The following OLA1 variants were observed in gnomAD, a reference collection of about 807,000 sequenced individuals.
OLA1 encodes the protein Obg like ATPase 1, also known as obg-like ATPase 1.
In OLA1, 14 loss-of-function variants were observed where a neutral mutation model predicts 48.4. That is an observed-to-expected ratio of 0.29 (90% CI 0.19 to 0.45). OLA1 has a LOEUF of 0.45. Among genes scored for constraint, OLA1 ranks in the 20% least tolerant of loss-of-function variants. The pLI is 1.00. For synonymous variants in OLA1, 127 were observed against 150.4 expected, an observed-to-expected ratio of 0.84 and a Z score of 1.14; for missense variants, 325 against 467.1, an observed-to-expected ratio of 0.70 and a Z score of 2.80.
At chr2:174,191,049 A>C (rs546043197) in intron 4 of OLA1, among the ~76,000 whole-genome samples, 4 of 151,964 alleles carry the variant, frequency 2.6e-5, no homozygotes, top group African/African-American at 7.3e-5. Flanking sequence ...TCTATTGTAC[A>C]TAACAGTGAG....
chr2:174,117,759 G>A (rs1210484856), intron 7 of OLA1, among the ~76,000 whole-genome samples: 1 of 152,070 alleles, frequency 6.6e-6, no homozygotes, highest in Non-Finnish European at 1.5e-5. Flanking sequence ...AGGAAAACCT[G>A]TTATTCAAAT....
In OLA1 at chr2:174,244,285, T is replaced by C. The variant is rs539743361; in HGVS notation, c.101+2430A>G. Among the ~76,000 whole-genome samples the C allele has an allele frequency of 1.2e-3, 188 of 152,376 alleles. 1 individual carries two copies. Among genetic ancestry groups the C allele is most frequent in the African/African-American group, 4.3e-3 (179 of 41,598 alleles). ...ATACAATTGCCGAAACTCATTAAACTGTACCTTTAAAATGAGTGAATTTTA... is the reference window on the plus strand; with the variant it reads ...ATACAATTGCCGAAACTCATTAAACCGTACCTTTAAAATGAGTGAATTTTA... On this transcript the variant is annotated intron_variant, in intron 2 of 10. Transcript: ENST00000284719.
intron 7 of OLA1, among the ~76,000 whole-genome samples, chr2:174,089,557 A>C (rs562743783): frequency 1.3e-5 from 2 of 152,318 alleles, no homozygotes; most frequent in African/African-American, 4.8e-5. Context: ...CTGCAATGTC[A>C]AAGAAGTCTC....
intron 4 of OLA1, among the ~76,000 whole-genome samples, chr2:174,198,460 A>G (rs1332864250): frequency 1.3e-5 from 2 of 152,164 alleles, no homozygotes; most frequent in Non-Finnish European, 2.9e-5. Context: ...TATGGTCCAT[A>G]AACCCCTGGG....
At chr2:174,080,953 T>C in intron 9 of OLA1, 199 bp downstream of exon 9, 1 of 534,904 alleles carries the variant, frequency 1.9e-6, no homozygotes, top group Non-Finnish European at 3.3e-6. Context: ...ATAGGCAGAA[T>C]CAATTGTTAC....
At chr2:174,140,059 T>G (rs1264441415) in intron 5 of OLA1, among the ~76,000 whole-genome samples, 4 of 152,022 alleles carry the variant, frequency 2.6e-5, no homozygotes, top group Admixed American at 2.6e-4. Flanking sequence ...ATCTAGAAAC[T>G]GGAAACTTAA....
intron 4 of OLA1, among the ~76,000 whole-genome samples, chr2:174,197,289 G>A (rs10191904): frequency 0.54 from 81,986 of 151,900 alleles, 22,747 homozygotes; most frequent in East Asian, 0.94. Flanking sequence ...GCAGTGTTGG[G>A]GGCAGTTTCT....
At chr2:174,238,603 C>A (rs1388330978) in intron 2 of OLA1, among the ~76,000 whole-genome samples, 1 of 151,870 alleles carries the variant, frequency 6.6e-6, no homozygotes, top group Non-Finnish European at 1.5e-5. Flanking sequence ...TATTGGAACC[C>A]ACATACACCA....
At chr2:174,208,786 ACTT>A (rs1490109930) in intron 4 of OLA1, among the ~76,000 whole-genome samples, 1 of 152,102 alleles carries the variant, frequency 6.6e-6, no homozygotes, top group Non-Finnish European at 1.5e-5. Flanking sequence ...CACACACACA[ACTT>A]CTTATCTATT....
At chr2:174,214,126 A>T (rs919961047) in intron 4 of OLA1, among the ~76,000 whole-genome samples, 1 of 152,078 alleles carries the variant, frequency 6.6e-6, no homozygotes, top group African/African-American at 2.4e-5. Flanking sequence ...TGAGGTCAGG[A>T]GTTGGAGACT....
intron 7 of OLA1, among the ~76,000 whole-genome samples, chr2:174,097,370 G>A (rs1054024662): frequency 2.0e-5 from 3 of 152,020 alleles, no homozygotes; most frequent in African/African-American, 7.2e-5. Context: ...GGATGGGAAA[G>A]GAAAGCAATA....
intron 4 of OLA1, among the ~76,000 whole-genome samples, chr2:174,165,203 C>T (rs867046513): frequency 1.6e-4 from 25 of 152,174 alleles, no homozygotes; most frequent in Non-Finnish European, 2.4e-4. Context: ...TCATATATTA[C>T]GCTTCCTACC....
intron 4 of OLA1, among the ~76,000 whole-genome samples, chr2:174,195,380 A>G (rs1250706764): frequency 6.6e-6 from 1 of 152,116 alleles, no homozygotes; most frequent in Non-Finnish European, 1.5e-5. Context: ...CCTTGTACCA[A>G]CTGAAGTCTC....
chr2:174,080,039 T>C (rs1049906536), intron 9 of OLA1, among the ~76,000 whole-genome samples: 11 of 152,026 alleles, frequency 7.2e-5, no homozygotes, highest in African/African-American at 2.7e-4. Context: ...TTAAAATATA[T>C]AGTAAAAATA....
chr2:174,160,992 A>G (rs1259818382), intron 4 of OLA1, among the ~76,000 whole-genome samples: 1 of 152,208 alleles, frequency 6.6e-6, no homozygotes, highest in Non-Finnish European at 1.5e-5. Context: ...ATATGTATAA[A>G]TGTATTTTTA....
At chr2:174,216,457 C>T (rs377281961) in intron 4 of OLA1, among the ~76,000 whole-genome samples, 1 of 152,144 alleles carries the variant, frequency 6.6e-6, no homozygotes, top group East Asian at 1.9e-4. Context: ...AGACTGAGGT[C>T]TGCACCTGGG....
intron 4 of OLA1, among the ~76,000 whole-genome samples, chr2:174,176,343 G>A (rs2105410150): frequency 6.6e-6 from 1 of 152,172 alleles, no homozygotes; most frequent in South Asian, 2.1e-4. Context: ...CTTAATATGG[G>A]AGAATAGCAG....
At chr2:174,219,008 T>G (rs1688429904) in intron 4 of OLA1, among the ~76,000 whole-genome samples, 2 of 149,612 alleles carry the variant, frequency 1.3e-5, no homozygotes, top group South Asian at 2.1e-4. Context: ...TTTTTTTTTG[T>G]AGCAATGTGG....
chr2:174,156,867 G>T (rs949657938), intron 4 of OLA1, among the ~76,000 whole-genome samples: 2 of 151,994 alleles, frequency 1.3e-5, no homozygotes, highest in African/African-American at 4.8e-5. Flanking sequence ...TTACAGGCAT[G>T]AGCCACCATG....
Sources: allele counts gnomAD v4.1 joint callset (sites outside exome capture counted in the v4.1 genomes callset), GRCh38; gene constraint gnomAD v4.1.1; transcripts MANE v1.5; gene names NCBI Gene and HGNC (gene_info 2026-07-23, HGNC 2026-07-21).